Variants in STT3A observed in about 807,000 individuals in gnomAD.
STT3A encodes dolichyl-diphosphooligosaccharide--protein glycosyltransferase subunit STT3A.
In STT3A, 34 loss-of-function variants were observed where a neutral mutation model predicts 89.2. The observed-to-expected ratio is 0.38, with a 90% confidence interval of 0.29 to 0.51. STT3A has a LOEUF of 0.51. Ranked by LOEUF, STT3A falls within the 20% of genes least tolerant of loss-of-function variation. The probability of loss-of-function intolerance (pLI) is 0.89; values close to 1 mark genes in which losing one functional copy is unlikely to be tolerated. For synonymous variants in STT3A, 282 were observed against 310.3 expected (o/e 0.91, Z 0.96); for missense variants, 555 against 889.5 (o/e 0.62, Z 4.78).
intron 6 of STT3A, 126 bp downstream of exon 6, chr11:125,604,373 G>A: frequency 9.0e-6 from 8 of 893,318 alleles, no homozygotes; most frequent in Non-Finnish European, 1.4e-5. Context: ...AAATGGGCAG[G>A]AACGGATCTT....
chr11:125,611,526 A>T lies in STT3A; in HGVS notation c.1209+7A>T, dbSNP rs1347396734. The T allele has an allele frequency of 2.5e-6, 4 of 1,613,000 alleles. No homozygotes were observed. The highest frequency in any genetic ancestry group is 3.4e-6 in the Non-Finnish European group (4 of 1,179,248). ...GTACTTTTCAGCTGTAATGGTGAGG[A>T]TGCCCTCAGTCTGGTAGACTTTTTC... On this transcript the variant is annotated splice_region_variant and intron_variant, in intron 11 of 17. Transcript: ENST00000392708.
rs76584159 is a variant in STT3A at position 125,611,097 on chromosome 11, T to G, written c.1118-331T>G. The G allele has an allele frequency of 9.5e-3, 1,532 of 160,958 alleles. 69 individuals are homozygous for G. The highest frequency in any genetic ancestry group is 0.075 in the Admixed American group (1,191 of 15,906). The allele number at this position is 160,958 out of a possible 1,614,324, so 10.0% of individuals were successfully genotyped here. A position where few individuals can be genotyped will look rare whatever the true frequency, so the allele number is the denominator to read the frequency against. On this transcript the variant is annotated intron_variant, in intron 10 of 17. Transcript: ENST00000392708. ...TAAAATGTATCATTTATTAGTTTTT[T>G]AAAGTACAGAGATGTGTCAAGATGT...
At chr11:125,620,212 A>C in intron 17 of STT3A, 86 bp downstream of exon 17, 1 of 1,047,980 alleles carries the variant, frequency 9.5e-7, no homozygotes, top group Non-Finnish European at 1.4e-6. Context: ...TATATTTCTC[A>C]AATAGGGAAA....
In STT3A at chr11:125,618,412, G is replaced by C; in HGVS notation, c.1814G>C (p.Ser605Thr). ...KFLWMVRIGG[S>T]TDTGKHIKEN... Reference sequence around the variant, plus strand: ...CTTTGGATGGTCCGGATTGGAGGGAGCACAGATACAGGCAAACATATCAAG... The same window carrying C: ...CTTTGGATGGTCCGGATTGGAGGGACCACAGATACAGGCAAACATATCAAG... The change falls in exon 16 of 18, where the codon AGC becomes ACC. Residue 605 changes from serine to threonine, a missense_variant. Coordinates refer to ENST00000392708, the MANE Select transcript of STT3A (RefSeq NM_152713.5). 6.2e-7 allele frequency: 1 copy of C among 1,613,418 alleles called. No individual in the cohort carries two copies. Among genetic ancestry groups the C allele is most frequent in the Middle Eastern group, 1.7e-4 (1 of 6,060 alleles).
At chr11:125,619,884 C>A in intron 16 of STT3A, 127 bp from the exon 17 acceptor site, 1 of 776,842 alleles carries the variant, frequency 1.3e-6, no homozygotes, top group Non-Finnish European at 2.1e-6. Context: ...TTTGCAGGCT[C>A]TACTCTCAAC....
At chr11:125,612,884 C>A (rs1940068542) in intron 12 of STT3A, 105 bp from the exon 13 acceptor site, 2 of 1,516,318 alleles carry the variant, frequency 1.3e-6, no homozygotes, top group African/African-American at 2.8e-5. Context: ...TAGCCTCTGA[C>A]TTATTTTGAT....
chr11:125,592,886 G>C lies in STT3A; in HGVS notation c.-68G>C, dbSNP rs982953223. Reference sequence around the variant, plus strand: ...TGCGCCGCTGAACGGATGGCTGAGGGAGCCCCGCGGATCGTTTAGGAAAGC... The same window carrying C: ...TGCGCCGCTGAACGGATGGCTGAGGCAGCCCCGCGGATCGTTTAGGAAAGC... On this transcript the variant is annotated 5_prime_UTR_variant, in exon 1 of 18. Coordinates refer to ENST00000392708, the MANE Select transcript of STT3A (RefSeq NM_152713.5). The C allele has an allele frequency of 9.8e-5, 17 of 173,062 alleles. No homozygotes were observed. The highest frequency in any genetic ancestry group is 1.8e-4 in the Non-Finnish European group (14 of 78,886). 10.7% of individuals were successfully genotyped at this position (173,062 alleles called of 1,614,324 possible).
chr11:125,609,398 G>C (rs1471920661), intron 9 of STT3A, 36 bp from the exon 10 acceptor site: 5 of 1,560,724 alleles, frequency 3.2e-6, no homozygotes, highest in Non-Finnish European at 4.3e-6. Flanking sequence ...TGTTTGAAGA[G>C]TGTGTGTGGA....
chr11:125,620,682 C>G (rs1241209803), intron 17 of STT3A, 90 bp from the exon 18 acceptor site: 6 of 1,252,808 alleles, frequency 4.8e-6, no homozygotes, highest in Non-Finnish European at 5.8e-6. Flanking sequence ...CCAACATAAT[C>G]CTGCCCACTC....
intron 3 of STT3A, among the ~76,000 whole-genome samples, chr11:125,597,509 C>T (rs946530735): frequency 2.6e-5 from 4 of 152,060 alleles, no homozygotes; most frequent in African/African-American, 9.7e-5. Context: ...GTATGTCTGC[C>T]TATCACTTAA....
At chr11:125,602,666 A>G in intron 4 of STT3A, 137 bp from the exon 5 acceptor site, 1 of 1,224,972 alleles carries the variant, frequency 8.2e-7, no homozygotes, top group Non-Finnish European at 1.1e-6. Context: ...TTATAGGCTT[A>G]CTGCAGTTGC....
At chr11:125,592,568 C>G (rs932941394), upstream of STT3A, 9 of 445,300 alleles carry the variant, frequency 2.0e-5, no homozygotes, top group African/African-American at 1.6e-4. Context: ...GTCCGCAAAC[C>G]GACACGTCAC....
upstream of STT3A, chr11:125,592,568 C>A (rs932941394): frequency 6.7e-6 from 3 of 445,418 alleles, no homozygotes; most frequent in Non-Finnish European, 1.4e-5. Context: ...GTCCGCAAAC[C>A]GACACGTCAC....
chr11:125,619,271 G>A (rs940972915), intron 16 of STT3A, among the ~76,000 whole-genome samples: 1 of 151,612 alleles, frequency 6.6e-6, no homozygotes, highest in Non-Finnish European at 1.5e-5. Context: ...TGTTGGCCAG[G>A]CTGGTCTCGA....
At position 125,612,559 on chromosome 11, in the gene STT3A, G is replaced by A. The variant is rs561872386; in HGVS notation, c.1210-33G>A. 5.0e-5 allele frequency: 81 copies of A among 1,605,198 alleles called. No homozygotes were observed. In the East Asian group the frequency reaches 1.7e-3, roughly 34 times the overall value. On this transcript the variant is annotated intron_variant, in intron 11 of 17. Coordinates refer to ENST00000392708, the MANE Select transcript of STT3A (RefSeq NM_152713.5). ...TGAAATCTGTAAATTGTGGAACACT[G>A]ATTAGACTGATCATGCTTCCTGTCT...
intron 1 of STT3A, chr11:125,594,755 C>T (rs1043692509): frequency 2.0e-5 from 3 of 152,046 alleles, no homozygotes; most frequent in South Asian, 2.1e-4. Context: ...TTTAATCCCC[C>T]GACTCTTCTG....
chr11:125,603,052 G>T, intron 5 of STT3A, 104 bp downstream of exon 5: 1 of 1,416,866 alleles, frequency 7.1e-7, no homozygotes. Flanking sequence ...CAGGGAGCCA[G>T]AAGGTGAAGA....
chr11:125,592,186 C>A (rs377743644), upstream of STT3A, among the ~76,000 whole-genome samples: 3 of 152,118 alleles, frequency 2.0e-5, no homozygotes, highest in Non-Finnish European at 4.4e-5. Flanking sequence ...CCCCGACAAC[C>A]CCTTTAGGCC....
chr11:125,611,569 C>G, intron 11 of STT3A, 50 bp downstream of exon 11: 1 of 1,520,632 alleles, frequency 6.6e-7, no homozygotes, highest in Non-Finnish European at 9.1e-7. Flanking sequence ...CTCTGAGGTG[C>G]TTTTTTATCT....
Sources: allele counts gnomAD v4.1 joint callset (sites outside exome capture counted in the v4.1 genomes callset), GRCh38; gene constraint gnomAD v4.1.1; transcripts MANE v1.5; gene names NCBI Gene and HGNC (gene_info 2026-07-23, HGNC 2026-07-21).